Variants in PBRM1 observed in about 807,000 individuals in gnomAD.
PBRM1 encodes protein polybromo-1.
A neutral mutation model predicts 194.5 loss-of-function variants in PBRM1; 27 were observed. That is an observed-to-expected ratio of 0.14 (90% confidence interval 0.10 to 0.19). The LOEUF (loss-of-function observed/expected upper bound fraction) is 0.19, where lower values mean the gene tolerates loss of function less well. Among genes scored for constraint, PBRM1 ranks in the 10% least tolerant of loss-of-function variants. PBRM1 has a pLI of 1.00. For synonymous variants in PBRM1, 655 were observed against 693.2 expected (o/e 0.94, Z 0.87); for missense variants, 1,466 against 2,077.2 (o/e 0.71, Z 5.72).
At chr3:52,593,713 G>C (rs180973917) in intron 17 of PBRM1, among the ~76,000 whole-genome samples, 2 of 152,222 alleles carry the variant, frequency 1.3e-5, no homozygotes, top group Non-Finnish European at 2.9e-5. Context: ...GAGTAGGTTG[G>C]TTAATTTCCA....
At chr3:52,683,632 G>A (rs1386445767), upstream of PBRM1, among the ~76,000 whole-genome samples, 4 of 151,726 alleles carry the variant, frequency 2.6e-5, no homozygotes, top group Non-Finnish European at 2.9e-5. Flanking sequence ...TGGCCAACAC[G>A]GTGAAACCCC....
exon 21 of PBRM1, chr3:52,579,189 T>G: frequency 6.2e-7 from 1 of 1,613,912 alleles, no homozygotes; most frequent in Non-Finnish European, 8.5e-7. Context: ...CACAGGGACA[T>G]CTTCTTTTTC....
intron 15 of PBRM1, among the ~76,000 whole-genome samples, chr3:52,611,490 G>A (rs2094605475): frequency 6.6e-6 from 1 of 152,206 alleles, no homozygotes; most frequent in Admixed American, 6.5e-5. Context: ...AAATACAAAG[G>A]ACAGAGGAAC....
intron 6 of PBRM1, among the ~76,000 whole-genome samples, chr3:52,651,305 C>T (rs771120027): frequency 1.3e-5 from 2 of 152,108 alleles, no homozygotes; most frequent in African/African-American, 2.4e-5. Context: ...ACTCTAACAT[C>T]CGTTGTGGGT....
At chr3:52,648,275 A>G in intron 7 of PBRM1, 69 bp downstream of exon 8, 1 of 888,866 alleles carries the variant, frequency 1.1e-6, no homozygotes, top group Non-Finnish European at 1.8e-6. Flanking sequence ...TTGTTTTATA[A>G]AAATTACTGA....
intron 6 of PBRM1, 65 bp from the exon 8 acceptor site, chr3:52,648,507 A>C (rs1226544906): frequency 5.0e-6 from 4 of 797,778 alleles, no homozygotes; most frequent in Non-Finnish European, 8.2e-6. Context: ...ACCTTTAAAA[A>C]AAGAACCCCA....
At chr3:52,563,964 A>C (rs1428570415) in intron 23 of PBRM1, 86 bp downstream of exon 25, 1 of 767,504 alleles carries the variant, frequency 1.3e-6, no homozygotes, top group East Asian at 2.6e-5. Context: ...TTTAAGATCT[A>C]ATAAAAAATT....
rs397989611 is a variant in PBRM1 at position 52,584,450 on chromosome 3, CTTTTTT to C, written c.3387+1969_3387+1974del. On this transcript the variant is annotated intron_variant, in intron 20 of 29. Coordinates refer to ENST00000296302, the Ensembl canonical transcript of PBRM1. ...AATTATCTGCAGAAAAGTATTCTTG[CTTTTTT>C]TTTTTTTTTTTTTTTTTTTGAGACG... 3.0e-4 allele frequency among the ~76,000 whole-genome samples: 18 copies of C among 60,748 alleles called. No individual in the cohort carries two copies. The East Asian group carries it at 4.4e-3, about 15-fold the overall frequency. The allele number at this position is 60,748 out of a possible 152,430, so 39.9% of individuals were successfully genotyped here. A position where few individuals can be genotyped will look rare whatever the true frequency, so the allele number is the denominator to read the frequency against.
chr3:52,657,375 AT>A (rs2096627090), intron 5 of PBRM1, among the ~76,000 whole-genome samples: 1 of 152,260 alleles, frequency 6.6e-6, no homozygotes, highest in African/African-American at 2.4e-5. Flanking sequence ...AAATAAAAAA[AT>A]AAAATCATAA....
chr3:52,576,407 C>T, intron 22 of PBRM1, 134 bp downstream of exon 24: 3 of 534,082 alleles, frequency 5.6e-6, no homozygotes, highest in South Asian at 4.4e-5. Context: ...AATCTCTGCC[C>T]CAACATAAGA....
At chr3:52,594,343 T>C (rs943032421) in intron 17 of PBRM1, among the ~76,000 whole-genome samples, 3 of 152,210 alleles carry the variant, frequency 2.0e-5, no homozygotes, top group Admixed American at 1.3e-4. Flanking sequence ...TTCTTTGTCT[T>C]TTTTGGTCTT....
chr3:52,596,436 C>CAAAAAAAAAAAAAAAAAAAAAAA (rs763007814), intron 17 of PBRM1, among the ~76,000 whole-genome samples: 7 of 50,372 alleles, frequency 1.4e-4, no homozygotes, highest in African/African-American at 3.3e-4. Flanking sequence ...GACTCCGTCT[C>CAAAAAAAAAAAAAAAAAAAAAAA]AAAAAAAAAA....
chr3:52,625,575 CTTTT>C (rs747413256), intron 13 of PBRM1, among the ~76,000 whole-genome samples: 1 of 138,602 alleles, frequency 7.2e-6, no homozygotes, highest in Non-Finnish European at 1.6e-5. Flanking sequence ...TAATGCTTAA[CTTTT>C]TTTTTTTTTT....
chr3:52,581,535 A>T (rs1576050731), intron 20 of PBRM1, among the ~76,000 whole-genome samples: 4 of 151,908 alleles, frequency 2.6e-5, no homozygotes, highest in African/African-American at 9.7e-5. Context: ...GAGGTTCCAT[A>T]TACATGACAG....
At chr3:52,600,283 C>T (rs2093898549) in intron 17 of PBRM1, among the ~76,000 whole-genome samples, 1 of 152,108 alleles carries the variant, frequency 6.6e-6, no homozygotes, top group Non-Finnish European at 1.5e-5. Context: ...TTAAAATTTC[C>T]TCTTCACCTT....
exon 14 of PBRM1, chr3:52,617,470 C>A: frequency 6.2e-7 from 1 of 1,613,234 alleles, no homozygotes; most frequent in African/African-American, 1.3e-5. Context: ...TCTGCCTGAA[C>A]CTGGCTCTCG....
chr3:52,629,765 C>A (rs1182594388), intron 11 of PBRM1, among the ~76,000 whole-genome samples: 2 of 152,132 alleles, frequency 1.3e-5, no homozygotes, highest in African/African-American at 4.8e-5. Context: ...TGGATTTAGA[C>A]AGGACAGACT....
chr3:52,641,800 T>C (rs1371260239), intron 10 of PBRM1, among the ~76,000 whole-genome samples, 154 bp downstream of exon 11: 2 of 152,214 alleles, frequency 1.3e-5, no homozygotes, highest in African/African-American at 4.8e-5. Flanking sequence ...ATTAACCTTT[T>C]GATAGGTCTG....
chr3:52,636,719 T>C (rs147984578), intron 10 of PBRM1, among the ~76,000 whole-genome samples: 1,520 of 119,088 alleles, frequency 0.013, 14 homozygotes, highest in Non-Finnish European at 0.017. Flanking sequence ...ATTACACCAC[T>C]GTACTCCAGC....
Sources: gnomAD v4.1 joint callset for allele counts (sites outside exome capture counted in the v4.1 genomes callset) on GRCh38, gnomAD v4.1.1 for gene constraint, MANE v1.5 for transcripts, NCBI Gene and HGNC (gene_info 2026-07-23, HGNC 2026-07-21) for gene names.